The following NRG3 variants were observed in gnomAD, a reference collection of about 807,000 sequenced individuals.
NRG3 encodes pro-neuregulin-3, membrane-bound isoform.
Under a neutral mutation model 66.9 loss-of-function variants are expected in NRG3, and 31 were observed. That is an observed-to-expected ratio of 0.46 (90% CI 0.35 to 0.63). NRG3 has a LOEUF of 0.63. Among genes scored for constraint, NRG3 ranks in the 20% least tolerant of loss-of-function variants. The probability of loss-of-function intolerance (pLI) is 0.00; values close to 1 mark genes in which losing one functional copy is unlikely to be tolerated. For missense variants in NRG3, 910 were observed against 878.9 expected (o/e 1.04, Z -0.45); for synonymous variants, 393 against 359.4 (o/e 1.09, Z -1.06).
intron 1 of NRG3, among the ~76,000 whole-genome samples, chr10:82,163,921 A>AT (rs202076612): frequency 0.099 from 14,152 of 142,616 alleles, 1,045 homozygotes; most frequent in East Asian, 0.29. Context: ...TCTCTCTTAA[A>AT]ATTTTTTTTT....
chr10:82,671,779 T>G (rs1232631678), intron 2 of NRG3, among the ~76,000 whole-genome samples: 2 of 152,222 alleles, frequency 1.3e-5, no homozygotes, highest in East Asian at 3.9e-4. Flanking sequence ...TTAGGGATGC[T>G]CCAATGTCAC....
chr10:82,558,283 C>T (rs111562300), intron 2 of NRG3, among the ~76,000 whole-genome samples: 47 of 152,188 alleles, frequency 3.1e-4, no homozygotes, highest in African/African-American at 8.9e-4. Context: ...AGCTCAAGTG[C>T]CTATTGCCTG....
At chr10:82,312,467 A>G (rs1399041472) in intron 1 of NRG3, among the ~76,000 whole-genome samples, 1 of 152,162 alleles carries the variant, frequency 6.6e-6, no homozygotes, top group African/African-American at 2.4e-5. Flanking sequence ...TCCATGGTCC[A>G]TTTTCAATCT....
intron 2 of NRG3, among the ~76,000 whole-genome samples, chr10:82,423,325 A>G (rs1034668476): frequency 1.3e-4 from 20 of 151,986 alleles, no homozygotes; most frequent in African/African-American, 3.1e-4. Context: ...TGTATATATT[A>G]TCGTTATAAT....
chr10:82,959,727 G>C (rs1235168222), intron 6 of NRG3, among the ~76,000 whole-genome samples: 1 of 152,188 alleles, frequency 6.6e-6, no homozygotes, highest in East Asian at 1.9e-4. Context: ...AAGAATCAAA[G>C]GTGAAAGGTG....
At chr10:82,795,706 T>C (rs2060773803) in intron 3 of NRG3, among the ~76,000 whole-genome samples, 1 of 152,138 alleles carries the variant, frequency 6.6e-6, no homozygotes, top group Admixed American at 6.5e-5. Context: ...TTACCTCAGG[T>C]TACTTTTTTT....
At chr10:82,864,674 A>G (rs901611026) in intron 3 of NRG3, among the ~76,000 whole-genome samples, 1 of 152,228 alleles carries the variant, frequency 6.6e-6, no homozygotes, top group Admixed American at 6.5e-5. Flanking sequence ...TGCTCTGCTG[A>G]TCAGGCAGAT....
At chr10:82,357,330 G>C (rs1473091155) in intron 1 of NRG3, among the ~76,000 whole-genome samples, 1 of 152,200 alleles carries the variant, frequency 6.6e-6, no homozygotes, top group Non-Finnish European at 1.5e-5. Flanking sequence ...GGGAGAGACA[G>C]GGGTGAGTTT....
At chr10:82,033,893 G>A (rs2062679183) in intron 1 of NRG3, among the ~76,000 whole-genome samples, 1 of 152,010 alleles carries the variant, frequency 6.6e-6, no homozygotes, top group Middle Eastern at 3.2e-3. Context: ...CTTTATTCTT[G>A]CAAAACTGCC....
intron 2 of NRG3, among the ~76,000 whole-genome samples, chr10:82,446,518 A>G (rs949193825): frequency 2.6e-5 from 4 of 152,214 alleles, no homozygotes; most frequent in African/African-American, 9.6e-5. Flanking sequence ...CATTATCCTC[A>G]GCAAACTAAT....
intron 1 of NRG3, among the ~76,000 whole-genome samples, chr10:82,018,405 C>T (rs2061891164): frequency 6.6e-6 from 1 of 152,168 alleles, no homozygotes; most frequent in African/African-American, 2.4e-5. Context: ...TTAGGATTGA[C>T]TTGGCGATGC....
intron 1 of NRG3, among the ~76,000 whole-genome samples, chr10:82,247,827 T>G (rs1464699314): frequency 6.6e-6 from 1 of 152,178 alleles, no homozygotes; most frequent in African/African-American, 2.4e-5. Context: ...TTCATATACT[T>G]CTTTAAATAA....
intron 2 of NRG3, among the ~76,000 whole-genome samples, chr10:82,733,323 C>A (rs1486859836): frequency 6.6e-6 from 1 of 152,136 alleles, no homozygotes; most frequent in East Asian, 1.9e-4. Flanking sequence ...GACTAAAATG[C>A]AATTGTATAT....
chr10:82,843,139 G>A, intron 3 of NRG3: 1 of 401,618 alleles, frequency 2.5e-6, no homozygotes, highest in Non-Finnish European at 5.1e-6. Context: ...ATTAGACTCT[G>A]AAACATGCTT....
intron 1 of NRG3, among the ~76,000 whole-genome samples, chr10:82,034,882 C>T (rs1277196400): frequency 6.6e-6 from 1 of 151,974 alleles, no homozygotes; most frequent in East Asian, 1.9e-4. Flanking sequence ...CAGCCCACAC[C>T]CAGTGGACTA....
chr10:82,182,321 C>T (rs2133237993), intron 1 of NRG3, among the ~76,000 whole-genome samples: 1 of 151,552 alleles, frequency 6.6e-6, no homozygotes, highest in African/African-American at 2.4e-5. Context: ...GCTTCTGGTC[C>T]TCTTTGTCTC....
At chr10:82,087,437 T>G (rs2065791187) in intron 1 of NRG3, among the ~76,000 whole-genome samples, 5 of 152,022 alleles carry the variant, frequency 3.3e-5, no homozygotes, top group Admixed American at 3.3e-4. Flanking sequence ...ACACAGTAAA[T>G]ACTAATACAT....
At chr10:82,088,841 C>T (rs541993007) in intron 1 of NRG3, among the ~76,000 whole-genome samples, 9 of 152,186 alleles carry the variant, frequency 5.9e-5, no homozygotes, top group Non-Finnish European at 1.0e-4. Context: ...ACAAAATTTA[C>T]GTTTTGACTT....
chr10:81,880,035 A>G (rs1380602691), intron 1 of NRG3, among the ~76,000 whole-genome samples: 1 of 152,070 alleles, frequency 6.6e-6, no homozygotes, highest in Non-Finnish European at 1.5e-5. Flanking sequence ...GCTTTTTTTT[A>G]TGAGCACAGG....
Sources: gnomAD v4.1 joint callset for allele counts (sites outside exome capture counted in the v4.1 genomes callset) on GRCh38, gnomAD v4.1.1 for gene constraint, MANE v1.5 for transcripts, NCBI Gene and HGNC (gene_info 2026-07-23, HGNC 2026-07-21) for gene names.